Variants in ENG observed in about 807,000 individuals in gnomAD.
The protein encoded by ENG is CD105 antigen.
Under a neutral mutation model 71.0 loss-of-function variants are expected in ENG, and 17 were observed. That is an observed-to-expected ratio of 0.24 (90% CI 0.16 to 0.36). ENG has a LOEUF of 0.36. Among genes scored for constraint, ENG ranks in the 10% least tolerant of loss-of-function variants. The probability of loss-of-function intolerance (pLI) is 1.00; values close to 1 mark genes in which losing one functional copy is unlikely to be tolerated. For synonymous variants in ENG, 360 were observed against 366.9 expected (o/e 0.98, Z 0.21); for missense variants, 749 against 868.3 (o/e 0.86, Z 1.73).
At chr9:127,818,938 CTCTT>C (rs1178071181) in intron 10 of ENG, 106 bp from the exon 11 acceptor site, 25 of 880,980 alleles carry the variant, frequency 2.8e-5, no homozygotes, top group Admixed American at 8.2e-5. Context: ...TTGCCTGACT[CTCTT>C]TTTTTTTTTT....
intron 1 of ENG, among the ~76,000 whole-genome samples, chr9:127,851,821 C>T (rs1416209807): frequency 2.0e-5 from 3 of 152,026 alleles, no homozygotes; most frequent in East Asian, 3.9e-4. Flanking sequence ...GAGGTTGCAG[C>T]GAGCCTAGAT....
chr9:127,852,366 C>T (rs770660839), intron 1 of ENG, among the ~76,000 whole-genome samples: 9 of 152,246 alleles, frequency 5.9e-5, no homozygotes, highest in African/African-American at 1.2e-4. Context: ...AGGGTCACTC[C>T]GACCCCTACC....
chr9:127,840,514 C>T (rs1831005658), intron 2 of ENG, among the ~76,000 whole-genome samples: 1 of 152,132 alleles, frequency 6.6e-6, no homozygotes, highest in African/African-American at 2.4e-5. Context: ...AACAAACAAA[C>T]AAAAACAACA....
intron 2 of ENG, among the ~76,000 whole-genome samples, chr9:127,840,156 C>G (rs1830994774): frequency 6.6e-6 from 1 of 152,196 alleles, no homozygotes; most frequent in South Asian, 2.1e-4. Flanking sequence ...CGGAGGTGGC[C>G]CAAGGCGATG....
At position 127,818,702 on chromosome 9, in the gene ENG, G is replaced by A. The variant is rs1328428613; in HGVS notation, c.1428+14C>T. Reference sequence around the variant, plus strand: ...GAGCTGGGAGGCCCGAGGGGTGACAGGCATGCCAGGTACCTGCACAAAGCT... The same window carrying A: ...GAGCTGGGAGGCCCGAGGGGTGACAAGCATGCCAGGTACCTGCACAAAGCT... On this transcript the variant is annotated intron_variant, in intron 11 of 14. Coordinates refer to ENST00000373203, the MANE Select transcript of ENG (RefSeq NM_001114753.3). 4.3e-6 allele frequency: 7 copies of A among 1,613,184 alleles called. No individual in the cohort carries two copies. In the African/African-American group the frequency reaches 5.3e-5, roughly 12 times the overall value.
intron 1 of ENG, among the ~76,000 whole-genome samples, chr9:127,845,693 A>G (rs1033864315): frequency 6.6e-6 from 1 of 152,130 alleles, no homozygotes. Context: ...GCACATGGCA[A>G]TTCTTTCTTA....
intron 8 of ENG, among the ~76,000 whole-genome samples, chr9:127,822,185 C>T (rs956303482): frequency 6.6e-6 from 1 of 151,970 alleles, no homozygotes; most frequent in African/African-American, 2.4e-5. Context: ...AGAAAAATAC[C>T]AAGCCTCAAT....
chr9:127,817,272 C>T (rs940481231), intron 12 of ENG, 69 bp from the exon 13 acceptor site: 14 of 1,541,668 alleles, frequency 9.1e-6, no homozygotes, highest in Admixed American at 1.7e-5. Flanking sequence ...TCCCTGGCTC[C>T]GTGACCCCAG....
rs367753784 is a variant in ENG, at chr9:127,818,738, G to A, written c.1406C>T (p.Pro469Leu). 3.6e-5 allele frequency: 58 copies of A among 1,613,964 alleles called. No individual in the cohort carries two copies. The highest frequency in any genetic ancestry group is 6.6e-5 in the South Asian group (6 of 91,080). Residue 469 changes from proline (P) to leucine (L), a missense_variant, in exon 11 of 15, where the codon CCG (proline) becomes CTG (leucine). Physicochemically the swap from Pro to Leu is moderately conservative, Grantham distance 98 (BLOSUM62 -3). Coordinates refer to ENST00000373203, the MANE Select transcript of ENG (RefSeq NM_001114753.3). ...TACCTGCACAAAGCTCTGCTGCCCC[G>A]GCTCGATGGTGTTGGAGGCCTGGAG... ...HFLQASNTIEPGQQSFVQVRV... is the reference protein window; with the variant it reads ...HFLQASNTIELGQQSFVQVRV...
intron 10 of ENG, 48 bp downstream of exon 10, chr9:127,819,574 G>C (rs1830423071): frequency 1.2e-6 from 2 of 1,611,360 alleles, no homozygotes; most frequent in Non-Finnish European, 1.7e-6. Flanking sequence ...CCCCGGCCCA[G>C]CAGCAGCCCC....
intron 2 of ENG, among the ~76,000 whole-genome samples, chr9:127,835,570 C>A (rs1217990242): frequency 6.6e-6 from 1 of 152,180 alleles, no homozygotes; most frequent in East Asian, 1.9e-4. Flanking sequence ...CATGGTGACA[C>A]CCACAGGCCA....
rs747788064 is a variant in ENG at position 127,825,721 on chromosome 9, C to T, written c.663G>A (p.Leu221=). Residue 221 remains leucine, a synonymous_variant, in exon 5 of 15, where the codon CTG becomes CTA. Transcript: ENST00000373203. Reference sequence around the variant, plus strand: ...CGGCCGAGTGGCCCGGCAGGACCCTCAGGATGTGCGCCTCCTTGTGGCCGG... The same window carrying T: ...CGGCCGAGTGGCCCGGCAGGACCCTTAGGATGTGCGCCTCCTTGTGGCCGG... ...GVAGHKEAHI[L]RVLPGHSAGP... 11 of 1,595,010 alleles carry T rather than the reference C, an allele frequency of 6.9e-6. No individual in the cohort carries two copies. The highest frequency in any genetic ancestry group is 8.5e-6 in the Non-Finnish European group (10 of 1,173,684).
intron 2 of ENG, among the ~76,000 whole-genome samples, chr9:127,835,516 A>G (rs1357752831): frequency 1.3e-5 from 2 of 152,152 alleles, no homozygotes; most frequent in African/African-American, 4.8e-5. Flanking sequence ...CATGGCCAGG[A>G]CACAGCACAG....
Position 127,846,429 on chromosome 9 carries a change from C to T in ENG, c.68-3184G>A, listed in dbSNP as rs1199390562. ...ACCCAGTGTCTGGCCTGCAGATTAT[C>T]GCAGCGCCTCCCTCCTTCCCTTTGG... On this transcript the variant is annotated intron_variant, in intron 1 of 14. Coordinates refer to ENST00000373203, the MANE Select transcript of ENG (RefSeq NM_001114753.3). The surrounding 1 kb of genome is among the most constrained non-coding windows in gnomAD (Gnocchi z 5.5). 6.6e-6 allele frequency among the ~76,000 whole-genome samples: 1 copy of T among 152,188 alleles called. No individual in the cohort carries two copies. Among genetic ancestry groups the T allele is most frequent in the Non-Finnish European group, 1.5e-5 (1 of 68,032 alleles).
intron 3 of ENG, chr9:127,827,095 T>C (rs919732286): frequency 1.1e-5 from 2 of 189,002 alleles, no homozygotes; most frequent in African/African-American, 4.6e-5. Flanking sequence ...TGAGAGAGAT[T>C]TGTCTGACTT....
In ENG at chr9:127,854,309, C is replaced by A; in HGVS notation, c.47G>T (p.Ser16Ile). The A allele has an allele frequency of 6.3e-7, 1 of 1,594,226 alleles. No homozygotes were observed. The highest frequency in any genetic ancestry group is 1.1e-5 in the South Asian group (1 of 87,826). ...LPLAVALLLA[S>I]CSLSPTSLAE... is the part of the protein sequence containing the mutation. ...CCTACTTGTGGGGCTGAGGCTGCAG[C>A]TGGCCAGCAGCAGGGCAACAGCCAG... Residue 16 changes from serine (S) to isoleucine (I), a missense_variant, in exon 1 of 15, where the codon AGC becomes ATC. Coordinates refer to ENST00000373203, the MANE Select transcript of ENG (RefSeq NM_001114753.3).
chr9:127,828,429 C>T (rs1255198791), intron 3 of ENG, among the ~76,000 whole-genome samples: 1 of 152,186 alleles, frequency 6.6e-6, no homozygotes, highest in Non-Finnish European at 1.5e-5. Context: ...TGGCCACCGG[C>T]CCCAGGGAGC....
chr9:127,817,068 G>T, intron 13 of ENG, 81 bp downstream of exon 13: 1 of 1,522,758 alleles, frequency 6.6e-7, no homozygotes, highest in Non-Finnish European at 9.1e-7. Context: ...ATGTGCCCAG[G>T]CCGTTTCTCA....
intron 8 of ENG, chr9:127,822,218 T>A (rs534229213): frequency 6.6e-6 from 1 of 152,196 alleles, no homozygotes; most frequent in Non-Finnish European, 1.5e-5. Flanking sequence ...GAGGTTCTCA[T>A]CACTCACGTG....
Sources: allele counts gnomAD v4.1 joint callset (sites outside exome capture counted in the v4.1 genomes callset), GRCh38; gene constraint gnomAD v4.1.1; non-coding constraint Gnocchi (gnomAD v3.1); transcripts MANE v1.5; gene names NCBI Gene and HGNC (gene_info 2026-07-23, HGNC 2026-07-21).